Variants in NGLY1 observed in about 807,000 individuals in gnomAD.
The protein encoded by NGLY1 is peptide-N(4)-(N-acetyl-beta-glucosaminyl)asparagine amidase.
In NGLY1, 68 loss-of-function variants were observed where a neutral mutation model predicts 84.6. The observed-to-expected ratio is 0.80, with a 90% CI of 0.66 to 0.98. The LOEUF (loss-of-function observed/expected upper bound fraction) is 0.98, where lower values mean the gene tolerates loss of function less well. NGLY1 is among the 50% of genes least tolerant of loss of function. The probability of loss-of-function intolerance (pLI) is 0.00; values close to 1 mark genes in which losing one functional copy is unlikely to be tolerated. For synonymous variants in NGLY1, 280 were observed against 275.2 expected, an observed-to-expected ratio of 1.02 and a Z score of -0.17; for missense variants, 779 against 770.2, an observed-to-expected ratio of 1.01 and a Z score of -0.14.
intron 1 of NGLY1, among the ~76,000 whole-genome samples, chr3:25,779,227 C>T (rs1459300420): frequency 1.3e-5 from 2 of 152,038 alleles, no homozygotes; most frequent in South Asian, 2.1e-4. Flanking sequence ...CGTGAGCCAC[C>T]GCACCTGGCC....
intron 10 of NGLY1, among the ~76,000 whole-genome samples, chr3:25,725,355 T>G (rs977662764): frequency 5.9e-5 from 9 of 152,360 alleles, no homozygotes; most frequent in African/African-American, 1.7e-4. Context: ...TCCTATACCT[T>G]GCCCTGTGCA....
chr3:25,759,272 C>T (rs762347706), intron 3 of NGLY1, among the ~76,000 whole-genome samples: 4 of 149,396 alleles, frequency 2.7e-5, no homozygotes, highest in Non-Finnish European at 5.9e-5. Context: ...CTGGGGAATT[C>T]GCCATGGAAA....
In NGLY1 at chr3:25,719,370, G is replaced by T; in HGVS notation, c.*90C>A. On this transcript the variant is annotated 3_prime_UTR_variant, in exon 12 of 12. Coordinates refer to ENST00000280700, the MANE Select transcript of NGLY1 (RefSeq NM_018297.4). ...AGCAAAAGAAATATGCTAGCACAGG[G>T]TGGTAACTGCCAACTAAGCATGCAC... 3 of 1,011,198 alleles carry T rather than the reference G, an allele frequency of 3.0e-6. No individual in the cohort carries two copies. In the Admixed American group the frequency reaches 6.2e-5, roughly 21 times the overall value. 62.6% of individuals were successfully genotyped at this position (1,011,198 alleles called of 1,614,324 possible).
At chr3:25,772,093 C>G (rs1369079377) in intron 2 of NGLY1, among the ~76,000 whole-genome samples, 1 of 152,188 alleles carries the variant, frequency 6.6e-6, no homozygotes, top group Non-Finnish European at 1.5e-5. Flanking sequence ...AAGTGGGCAT[C>G]CTTGTCTTGT....
At chr3:25,728,880 A>G (rs1705396739) in intron 10 of NGLY1, among the ~76,000 whole-genome samples, 1 of 152,082 alleles carries the variant, frequency 6.6e-6, no homozygotes, top group African/African-American at 2.4e-5. Context: ...CATACATTTG[A>G]TTATTTTTTC....
intron 3 of NGLY1, chr3:25,755,309 A>C: frequency 1.5e-6 from 2 of 1,366,752 alleles, no homozygotes; most frequent in Non-Finnish European, 2.1e-6. Flanking sequence ...CTATAGGCTG[A>C]AGTCCTTAAT....
chr3:25,725,125 GAACA>G (rs943073156), intron 10 of NGLY1, among the ~76,000 whole-genome samples: 1 of 152,210 alleles, frequency 6.6e-6, no homozygotes, highest in African/African-American at 2.4e-5. Context: ...AGAAGAATCT[GAACA>G]GACAGGCTTT....
chr3:25,749,646 T>C, intron 4 of NGLY1: 1 of 1,484,320 alleles, frequency 6.7e-7, no homozygotes, highest in Non-Finnish European at 9.3e-7. Context: ...AAGAGCCAGA[T>C]CTTGATGCCC....
At chr3:25,764,414 T>C (rs1200918866) in intron 2 of NGLY1, 103 bp from the exon 3 acceptor site, 13 of 1,203,654 alleles carry the variant, frequency 1.1e-5, no homozygotes, top group East Asian at 9.5e-5. Context: ...TAATATAGAA[T>C]GCATGTTTCT....
intron 2 of NGLY1, among the ~76,000 whole-genome samples, chr3:25,770,560 C>T (rs1293903144): frequency 4.6e-5 from 7 of 152,186 alleles, no homozygotes; most frequent in Non-Finnish European, 8.8e-5. Context: ...CATATAATGA[C>T]TTCTTTTCCT....
At chr3:25,743,708 G>A (rs1240466113) in intron 4 of NGLY1, among the ~76,000 whole-genome samples, 1 of 152,074 alleles carries the variant, frequency 6.6e-6, no homozygotes, top group African/African-American at 2.4e-5. Context: ...GAACAAACAT[G>A]CCTCAAAATA....
intron 10 of NGLY1, among the ~76,000 whole-genome samples, chr3:25,721,085 T>G (rs749335984): frequency 1.3e-5 from 2 of 152,214 alleles, no homozygotes; most frequent in African/African-American, 2.4e-5. Context: ...TGACCATATT[T>G]TTATTTTCAA....
chr3:25,778,875 ATT>A (rs34966577), intron 1 of NGLY1, among the ~76,000 whole-genome samples, 187 bp from the exon 2 acceptor site: 2 of 81,268 alleles, frequency 2.5e-5, no homozygotes, highest in African/African-American at 3.3e-5. Context: ...GTTAAGGTAC[ATT>A]TTTTTTTTTT....
intron 2 of NGLY1, among the ~76,000 whole-genome samples, chr3:25,773,317 A>T (rs1276206355): frequency 1.3e-5 from 2 of 151,968 alleles, no homozygotes; most frequent in Non-Finnish European, 2.9e-5. Flanking sequence ...TGGGGCTTTG[A>T]TCATTTTTAA....
intron 3 of NGLY1, among the ~76,000 whole-genome samples, chr3:25,752,230 A>T (rs1245483619): frequency 6.6e-6 from 1 of 151,988 alleles, no homozygotes; most frequent in East Asian, 1.9e-4. Context: ...ATTTATTATT[A>T]TTATTTTTTT....
chr3:25,768,627 G>A (rs942530515), intron 2 of NGLY1, among the ~76,000 whole-genome samples: 3 of 142,884 alleles, frequency 2.1e-5, no homozygotes, highest in East Asian at 2.1e-4. Context: ...ACAGTGGTGC[G>A]ATCTTGGCTC....
chr3:25,754,665 A>G lies in NGLY1; in HGVS notation c.493-3402T>C, dbSNP rs200425415. ...TTAGGGTAGTTTTACAACTGTTAGGAAAAAAAAAAAAGCAAATGGATATGA... is the reference window on the plus strand; with the variant it reads ...TTAGGGTAGTTTTACAACTGTTAGGGAAAAAAAAAAAGCAAATGGATATGA... On this transcript the variant is annotated intron_variant, in intron 3 of 11. Transcript: ENST00000280700. Among the ~76,000 whole-genome samples the G allele has an allele frequency of 5.7e-3, 142 of 25,072 alleles. 1 individual carries two copies. The highest frequency in any genetic ancestry group is 0.042 in the East Asian group (1 of 24). The allele number at this position is 25,072 out of a possible 152,430, so 16.4% of individuals were successfully genotyped here.
At chr3:25,787,745 G>T (rs1708636044), upstream of NGLY1, among the ~76,000 whole-genome samples, 1 of 152,210 alleles carries the variant, frequency 6.6e-6, no homozygotes, top group African/African-American at 2.4e-5. Flanking sequence ...AAAGTCCTCA[G>T]TATGATACCC....
chr3:25,760,909 A>G (rs2125539075), intron 3 of NGLY1, among the ~76,000 whole-genome samples: 1 of 145,910 alleles, frequency 6.9e-6, no homozygotes, highest in African/African-American at 2.6e-5. Flanking sequence ...AAAAAAAAAA[A>G]AAAAAAAAAA....
Sources: allele counts gnomAD v4.1 joint callset (sites outside exome capture counted in the v4.1 genomes callset), GRCh38; gene constraint gnomAD v4.1.1; transcripts MANE v1.5; gene names NCBI Gene and HGNC (gene_info 2026-07-23, HGNC 2026-07-21).